Variants in NCKAP5 observed in about 807,000 individuals in gnomAD.
NCKAP5 encodes the protein nck-associated protein 5.
A neutral mutation model predicts 167.0 loss-of-function variants in NCKAP5; 92 were observed. That is an observed-to-expected ratio of 0.55 (90% confidence interval 0.47 to 0.66). The LOEUF is 0.66. Ranked by LOEUF, NCKAP5 falls within the 30% of genes least tolerant of loss-of-function variation. The pLI is 0.00. For missense variants in NCKAP5, 2,378 were observed against 2,315.0 expected, an observed-to-expected ratio of 1.03 and a Z score of -0.56; for synonymous variants, 891 against 877.4, an observed-to-expected ratio of 1.02 and a Z score of -0.27.
intron 6 of NCKAP5, among the ~76,000 whole-genome samples, chr2:132,995,981 A>T (rs992173097): frequency 9.9e-5 from 15 of 152,176 alleles, no homozygotes; most frequent in Non-Finnish European, 2.1e-4. Flanking sequence ...TCTCAAAAAA[A>T]AAATTTTTTT....
At chr2:133,027,560 G>C (rs2078741034) in intron 6 of NCKAP5, among the ~76,000 whole-genome samples, 2 of 152,150 alleles carry the variant, frequency 1.3e-5, no homozygotes, top group Non-Finnish European at 2.9e-5. Flanking sequence ...TTTGGCTCCA[G>C]CATCCATTAT....
At chr2:133,390,045 T>C (rs1280059654) in intron 3 of NCKAP5, among the ~76,000 whole-genome samples, 6 of 152,178 alleles carry the variant, frequency 3.9e-5, no homozygotes, top group Admixed American at 2.6e-4. Context: ...TTCCAAAATA[T>C]ACCCACAACT....
chr2:133,436,803 A>G (rs754189628), intron 3 of NCKAP5, among the ~76,000 whole-genome samples: 1 of 152,148 alleles, frequency 6.6e-6, no homozygotes, highest in Non-Finnish European at 1.5e-5. Flanking sequence ...GTATGTTAAC[A>G]TGGGTGCCTA....
intron 6 of NCKAP5, chr2:133,117,574 AT>A (rs2082122239): frequency 6.6e-6 from 1 of 152,136 alleles, no homozygotes; most frequent in Non-Finnish European, 1.5e-5. Flanking sequence ...AATCTATTAG[AT>A]CTGTAGGATA....
At chr2:133,215,344 G>A (rs1209480998) in intron 4 of NCKAP5, among the ~76,000 whole-genome samples, 1 of 152,170 alleles carries the variant, frequency 6.6e-6, no homozygotes, top group African/African-American at 2.4e-5. Flanking sequence ...TTAAACACAT[G>A]AATTTATCTC....
At chr2:133,462,743 C>T (rs1264223322) in intron 3 of NCKAP5, among the ~76,000 whole-genome samples, 10 of 152,120 alleles carry the variant, frequency 6.6e-5, no homozygotes, top group African/African-American at 2.4e-4. Context: ...GAATAAGGAA[C>T]TTTGCAAATT....
chr2:132,931,414 G>A (rs1257811481), intron 8 of NCKAP5: 2 of 152,090 alleles, frequency 1.3e-5, no homozygotes, highest in South Asian at 2.1e-4. Flanking sequence ...CTGCGCTGGA[G>A]TCTCTGTGAA....
At chr2:132,930,615 T>C (rs1269698144) in intron 8 of NCKAP5, 1 of 152,240 alleles carries the variant, frequency 6.6e-6, no homozygotes, top group African/African-American at 2.4e-5. Context: ...GACTGTGGAC[T>C]TGATCTGAAT....
At chr2:132,831,450 C>T (rs897329573) in intron 11 of NCKAP5, among the ~76,000 whole-genome samples, 1 of 152,088 alleles carries the variant, frequency 6.6e-6, no homozygotes, top group Non-Finnish European at 1.5e-5. Context: ...ATTTGTCAAC[C>T]AACAATGTTG....
intron 4 of NCKAP5, among the ~76,000 whole-genome samples, chr2:133,253,898 T>A (rs1167391700): frequency 6.6e-6 from 1 of 152,206 alleles, no homozygotes; most frequent in Non-Finnish European, 1.5e-5. Context: ...GAGATAAGGC[T>A]GGACTCCAGC....
At chr2:133,338,743 G>A (rs1023909450) in intron 3 of NCKAP5, among the ~76,000 whole-genome samples, 6 of 152,098 alleles carry the variant, frequency 3.9e-5, no homozygotes, top group Non-Finnish European at 8.8e-5. Context: ...CATGGTGGCT[G>A]ACGCCTGTAA....
rs115479309 is a variant in NCKAP5, at chr2:133,455,428, C to T, written c.69+62030G>A. Among the ~76,000 whole-genome samples, 265 of 152,152 alleles carry T rather than the reference C, an allele frequency of 1.7e-3. 1 individual carries two copies. Among genetic ancestry groups the T allele is most frequent in the East Asian group, 0.013 (67 of 5,184 alleles). Reference sequence around the variant, plus strand: ...AATGTCTTTATTATTACTCTACCTTCGCCATCTCATATTTTTACCACTGGG... The same window carrying T: ...AATGTCTTTATTATTACTCTACCTTTGCCATCTCATATTTTTACCACTGGG... On this transcript the variant is annotated intron_variant, in intron 3 of 19. Transcript: ENST00000409261.
intron 5 of NCKAP5, among the ~76,000 whole-genome samples, chr2:133,156,414 C>T (rs16857556): frequency 0.062 from 9,473 of 152,214 alleles, 379 homozygotes; most frequent in East Asian, 0.18. Context: ...TCTCCAGACC[C>T]TAACACAGCA....
intron 3 of NCKAP5, among the ~76,000 whole-genome samples, chr2:133,508,836 T>C (rs575778285): frequency 3.3e-5 from 5 of 152,354 alleles, no homozygotes; most frequent in African/African-American, 9.6e-5. Flanking sequence ...ACATGGAACA[T>C]GCCAAGCAAA....
intron 18 of NCKAP5, among the ~76,000 whole-genome samples, chr2:132,727,901 C>T (rs1033970163): frequency 3.9e-5 from 6 of 152,214 alleles, no homozygotes; most frequent in African/African-American, 1.4e-4. Flanking sequence ...TTTGGCCACA[C>T]TGAGTGAGGG....
In NCKAP5 at chr2:132,784,553, C is replaced by T; in HGVS notation, c.2258G>A (p.Arg753Lys). 1 of 1,574,748 alleles carries T rather than the reference C, an allele frequency of 6.4e-7. No homozygotes were observed. Among genetic ancestry groups the T allele is most frequent in the Non-Finnish European group, 8.6e-7 (1 of 1,160,432 alleles). ...IPKDNVDNVP[R>K]VSTESFSSRT... ...GGAGCTGAAAGATTCAGTGGACACC[C>T]TGGGAACATTATCTACATTATCTTT... is the stretch of plus-strand genomic sequence containing the variant. The change falls in exon 14 of 20, where the codon AGG (arginine) becomes AAG (lysine). Residue 753 changes from arginine to lysine, a missense_variant. Arg to Lys is a conservative substitution (Grantham distance 26). Coordinates refer to ENST00000409261, the MANE Select transcript of NCKAP5 (RefSeq NM_207363.3).
chr2:133,533,538 A>C (rs1685527607), intron 2 of NCKAP5, among the ~76,000 whole-genome samples: 1 of 152,224 alleles, frequency 6.6e-6, no homozygotes. Context: ...TGAAGTCTCA[A>C]ATATGAACAC....
At chr2:133,548,027 GC>G (rs1323359764) in intron 2 of NCKAP5, among the ~76,000 whole-genome samples, 1 of 145,830 alleles carries the variant, frequency 6.9e-6, no homozygotes, top group Non-Finnish European at 1.5e-5. Flanking sequence ...ACAGAGAAGT[GC>G]TTAAAGGAGC....
At chr2:132,880,970 T>C (rs1488724936) in intron 8 of NCKAP5, among the ~76,000 whole-genome samples, 1 of 152,170 alleles carries the variant, frequency 6.6e-6, no homozygotes, top group Non-Finnish European at 1.5e-5. Flanking sequence ...ACAATCACAG[T>C]ATAGTTGTTA....
Sources: allele counts gnomAD v4.1 joint callset (sites outside exome capture counted in the v4.1 genomes callset), GRCh38; gene constraint gnomAD v4.1.1; transcripts MANE v1.5; gene names NCBI Gene and HGNC (gene_info 2026-07-23, HGNC 2026-07-21).